The following MON1A variants were observed in gnomAD, a reference collection of about 807,000 sequenced individuals.
MON1A encodes vacuolar fusion protein MON1 homolog A.
Under a neutral mutation model 44.6 loss-of-function variants are expected in MON1A, and 29 were observed. The observed-to-expected ratio is 0.65, with a 90% CI of 0.48 to 0.89. MON1A has a LOEUF of 0.89. Among genes scored for constraint, MON1A ranks in the 40% least tolerant of loss-of-function variants. The probability of loss-of-function intolerance (pLI) is 0.00; values close to 1 mark genes in which losing one functional copy is unlikely to be tolerated. For missense variants in MON1A, 615 were observed against 759.6 expected (o/e 0.81, Z 2.24); for synonymous variants, 275 against 316.4 (o/e 0.87, Z 1.39).
intron 2 of MON1A, chr3:49,912,282 C>A (rs2082895890): frequency 2.5e-6 from 1 of 396,330 alleles, no homozygotes; most frequent in Non-Finnish European, 4.5e-6. Flanking sequence ...TCCCACCCCA[C>A]TCCCTTGCCC....
chr3:49,919,370 A>C (rs1364689263), intron 1 of MON1A, among the ~76,000 whole-genome samples: 1 of 152,196 alleles, frequency 6.6e-6, no homozygotes, highest in Non-Finnish European at 1.5e-5. Context: ...TAAAAAAACA[A>C]ACAAACCCCC....
At chr3:49,914,272 G>A (rs1309719635) in intron 1 of MON1A, among the ~76,000 whole-genome samples, 4 of 151,376 alleles carry the variant, frequency 2.6e-5, no homozygotes, top group South Asian at 2.1e-4. Flanking sequence ...TAGTAGAGAC[G>A]GGGTTTCTCT....
intron 1 of MON1A, among the ~76,000 whole-genome samples, chr3:49,928,172 G>T (rs2083066036): frequency 6.6e-6 from 1 of 152,156 alleles, no homozygotes; most frequent in African/African-American, 2.4e-5. Context: ...CTTCACAATA[G>T]TTCTCCTGCC....
intron 1 of MON1A, among the ~76,000 whole-genome samples, chr3:49,927,587 G>A (rs901621266): frequency 6.6e-5 from 10 of 152,078 alleles, no homozygotes; most frequent in Admixed American, 5.9e-4. Flanking sequence ...TCACCTTCAG[G>A]CTAGGGCTAT....
rs1309661511 is a variant in MON1A at position 49,910,839 on chromosome 3, A to G, written c.659T>C (p.Val220Ala). The G allele has an allele frequency of 1.2e-6, 2 of 1,612,838 alleles. No homozygotes were observed. Among genetic ancestry groups the G allele is most frequent in the Non-Finnish European group, 1.7e-6 (2 of 1,179,274 alleles). The change falls in exon 4 of 6, where the codon GTG becomes GCG. Residue 220 changes from valine to alanine, a missense_variant. Transcript: ENST00000296473. This position sits in a 1 kb window ranked among gnomAD's most constrained non-coding sequence, Gnocchi z 8.0. ...VFVRRSPLVL[V>A]AVARTRQSAQ... is the part of the protein sequence containing the mutation. ...CGACTGCCGCGTACGAGCCACCGCC[A>G]CTAGCACCAGCGGGCTCCGGCGCAC...
At chr3:49,925,730 C>A (rs750770915) in intron 1 of MON1A, among the ~76,000 whole-genome samples, 11 of 152,136 alleles carry the variant, frequency 7.2e-5, no homozygotes, top group Non-Finnish European at 1.5e-4. Flanking sequence ...CACAGCAAGA[C>A]CCTGTCTCAA....
At chr3:49,916,358 G>A (rs2082943448) in intron 1 of MON1A, 1 of 152,192 alleles carries the variant, frequency 6.6e-6, no homozygotes, top group African/African-American at 2.4e-5. Flanking sequence ...GCTCCTATGT[G>A]TGTGCCCAAA....
At chr3:49,920,227 CTT>C (rs930793945) in intron 1 of MON1A, among the ~76,000 whole-genome samples, 4 of 152,166 alleles carry the variant, frequency 2.6e-5, no homozygotes, top group Non-Finnish European at 4.4e-5. Context: ...TTTCCTCTCT[CTT>C]GAAACATTTT....
rs2082841096 is a variant in MON1A at position 49,908,914 on chromosome 3, T to C, written c.*100A>G. ...AATGCATTCACCAACCCACAGTCCC[T>C]GCCCGCTGGCTGGGCAAGAGAGGCC... On this transcript the variant is annotated 3_prime_UTR_variant, in exon 6 of 6. Coordinates refer to ENST00000296473, the MANE Select transcript of MON1A (RefSeq NM_032355.4). 7.1e-7 allele frequency: 1 copy of C among 1,417,850 alleles called. No individual in the cohort carries two copies. 87.8% of individuals were successfully genotyped at this position (1,417,850 alleles called of 1,614,324 possible). A position where few individuals can be genotyped will look rare whatever the true frequency, so the allele number is the denominator to read the frequency against.
chr3:49,911,676 G>A lies in MON1A; in HGVS notation c.463C>T (p.Gln155Ter). 1 of 1,614,148 alleles carries A rather than the reference G, an allele frequency of 6.2e-7. No homozygotes were observed. The highest frequency in any genetic ancestry group is 8.5e-7 in the Non-Finnish European group (1 of 1,180,016). Reference protein sequence around the residue: ...EDATEAWRLHQKHVFVLSEAG... With the variant: ...EDATEAWRLH ...TCACTCAGCACAAAGACATGCTTCT[G>A]GTGCAGGCGCCATGCCTCCGTGGCA... Residue 155 changes from glutamine to a stop codon, truncating the protein, a stop_gained, in exon 3 of 6, where the codon CAG (glutamine) becomes TAG (stop). Transcript: ENST00000296473. LOFTEE classifies it high-confidence loss of function. This position sits in a 1 kb window ranked among gnomAD's most constrained non-coding sequence, Gnocchi z 5.7.
At position 49,914,428 on chromosome 3, in the gene MON1A, C is replaced by G. The variant is rs1331763549; in HGVS notation, c.-13-1069G>C. Among the ~76,000 whole-genome samples the G allele has an allele frequency of 3.3e-5, 5 of 151,868 alleles. No individual in the cohort carries two copies. In the East Asian group the frequency reaches 7.8e-4, roughly 24 times the overall value. On this transcript the variant is annotated intron_variant, in intron 1 of 5. Coordinates refer to ENST00000296473, the MANE Select transcript of MON1A (RefSeq NM_032355.4). ...TGGCTCTCTTGCCCAGGCTGGAGAG[C>G]AGTGGCGTGATCTTGGCTCACTGCA...
At position 49,909,497 on chromosome 3, in the gene MON1A, A is replaced by G. The variant is rs1174053982; in HGVS notation, c.1380-97T>C. 1 of 1,503,492 alleles carries G rather than the reference A, an allele frequency of 6.7e-7. No individual in the cohort carries two copies. The highest frequency in any genetic ancestry group is 1.8e-5 in the Admixed American group (1 of 54,170). The allele number at this position is 1,503,492 out of a possible 1,614,324, so 93.1% of individuals were successfully genotyped here. ...ACCTATTCCTATCCAGGAAGACTCT[A>G]TCTTATGTCCTACCCTCCAGGTGCT... On this transcript the variant is annotated intron_variant, in intron 4 of 5. Coordinates refer to ENST00000296473, the MANE Select transcript of MON1A (RefSeq NM_032355.4). This position sits in a 1 kb window ranked among gnomAD's most constrained non-coding sequence, Gnocchi z 4.0.
chr3:49,909,701 G>A lies in MON1A; in HGVS notation c.1380-301C>T, dbSNP rs1002759260. 2 of 387,972 alleles carry A rather than the reference G, an allele frequency of 5.2e-6. No individual in the cohort carries two copies. The highest frequency in any genetic ancestry group is 9.3e-6 in the Non-Finnish European group (2 of 215,482). 24.0% of individuals were successfully genotyped at this position (387,972 alleles called of 1,614,324 possible). A position where few individuals can be genotyped will look rare whatever the true frequency, so the allele number is the denominator to read the frequency against. On this transcript the variant is annotated intron_variant, in intron 4 of 5. Transcript: ENST00000296473. The surrounding 1 kb of genome is among the most constrained non-coding windows in gnomAD (Gnocchi z 4.0). ...AAGACAGAGTGACAGATCTGGAGTAGAGGAAAGGTGAGCTAGGAATCCTGT... is the reference window on the plus strand; with the variant it reads ...AAGACAGAGTGACAGATCTGGAGTAAAGGAAAGGTGAGCTAGGAATCCTGT...
chr3:49,916,796 G>A (rs2082948701), intron 1 of MON1A: 2 of 152,276 alleles, frequency 1.3e-5, no homozygotes, highest in African/African-American at 4.8e-5. Flanking sequence ...GGTCCCCTCT[G>A]AGACTGAGAC....
chr3:49,910,737 T>G lies in MON1A; in HGVS notation c.761A>C (p.His254Pro). Reference sequence around the variant, plus strand: ...ATAGTTCTGCTTCTGCTGGAAGATGTGGCTCAGCTGCGCACCGGTAAGAAG... The same window carrying G: ...ATAGTTCTGCTTCTGCTGGAAGATGGGGCTCAGCTGCGCACCGGTAAGAAG... ...LSLLTGAQLS[H>P]IFQQKQNYDL... Residue 254 changes from histidine (H) to proline (P), a missense_variant, in exon 4 of 6, where the codon CAC becomes CCC. Transcript: ENST00000296473. This position sits in a 1 kb window ranked among gnomAD's most constrained non-coding sequence, Gnocchi z 8.0. 6.2e-7 allele frequency: 1 copy of G among 1,614,080 alleles called. No homozygotes were observed. Among genetic ancestry groups the G allele is most frequent in the Non-Finnish European group, 8.5e-7 (1 of 1,179,986 alleles).
rs755002144 is a variant in MON1A at position 49,910,078 on chromosome 3, C to T, written c.1379+41G>A. The T allele has an allele frequency of 6.5e-7, 1 of 1,536,854 alleles. No homozygotes were observed. Among genetic ancestry groups the T allele is most frequent in the Admixed American group, 2.0e-5 (1 of 49,756 alleles). On this transcript the variant is annotated intron_variant, in intron 4 of 5. Transcript: ENST00000296473. The surrounding 1 kb of genome is among the most constrained non-coding windows in gnomAD (Gnocchi z 8.0). ...CAAACAGCCTCCCGACTCCACATGT[C>T]CCTGTCCCGCTACAGCAGTGCCCTC... is the stretch of plus-strand genomic sequence containing the variant.
intron 2 of MON1A, chr3:49,913,015 G>A: frequency 1.4e-6 from 1 of 721,488 alleles, no homozygotes; most frequent in Non-Finnish European, 2.5e-6. Context: ...GAAAGCTCAG[G>A]GCGAGCAGCA....
chr3:49,923,468 CT>C (rs201685649), intron 1 of MON1A, among the ~76,000 whole-genome samples: 12,461 of 135,394 alleles, frequency 0.092, 590 homozygotes, highest in African/African-American at 0.14. Context: ...AAGACAAGCT[CT>C]TTTTTTTTTT....
chr3:49,911,445 C>T lies in MON1A; in HGVS notation c.613+81G>A, dbSNP rs2082884783. The T allele has an allele frequency of 6.6e-7, 1 of 1,519,446 alleles. No individual in the cohort carries two copies. The highest frequency in any genetic ancestry group is 2.1e-5 in the Admixed American group (1 of 47,718). The allele number at this position is 1,519,446 out of a possible 1,614,324, so 94.1% of individuals were successfully genotyped here. On this transcript the variant is annotated intron_variant, in intron 3 of 5. Coordinates refer to ENST00000296473, the MANE Select transcript of MON1A (RefSeq NM_032355.4). The surrounding 1 kb of genome is among the most constrained non-coding windows in gnomAD (Gnocchi z 5.7). ...CAGTCACACAGCACATCCCAGCCCT[C>T]TGGTCTGCAGGGGTCCAAAACCTGC... is the stretch of plus-strand genomic sequence containing the variant.
Sources: gnomAD v4.1 joint callset for allele counts (sites outside exome capture counted in the v4.1 genomes callset) on GRCh38, gnomAD v4.1.1 for gene constraint, Gnocchi (gnomAD v3.1) non-coding constraint, MANE v1.5 for transcripts, NCBI Gene and HGNC (gene_info 2026-07-23, HGNC 2026-07-21) for gene names.